DMD: variants seen among roughly 807,000 people sequenced by gnomAD.
The protein encoded by DMD is mutant dystrophin.
A neutral mutation model predicts 330.1 loss-of-function variants in DMD; 63 were observed. The ratio of observed to expected loss-of-function variants is 0.19; its 90% CI spans 0.16 to 0.24. DMD has a LOEUF of 0.24. DMD is among the 10% of genes least tolerant of loss of function. The pLI is 1.00. For synonymous variants in DMD, 1,223 were observed against 959.8 expected (o/e 1.27, Z -5.07); for missense variants, 3,344 against 2,684.1 (o/e 1.25, Z -5.43).
At chrX:32,953,503 A>C (rs1044950299) in intron 2 of DMD, among the ~76,000 whole-genome samples, 1 of 112,104 alleles carries the variant, frequency 8.9e-6, no homozygotes, top group Non-Finnish European at 1.9e-5. Flanking sequence ...GGTGTATATA[A>C]CCAGAATTTA....
At chrX:33,074,073 G>T (rs1405752315) in intron 1 of DMD, among the ~76,000 whole-genome samples, 1 of 111,091 alleles carries the variant, frequency 9.0e-6, no homozygotes, top group Non-Finnish European at 1.9e-5. Flanking sequence ...AGGTAGACAA[G>T]ATTGAAAAAC....
intron 16 of DMD, among the ~76,000 whole-genome samples, chrX:32,563,192 T>G (rs1019157529): frequency 9.3e-6 from 1 of 107,772 alleles, no homozygotes; most frequent in African/African-American, 3.4e-5. Flanking sequence ...TACAAAAAAT[T>G]AGTGGGGTGT....
At chrX:32,138,888 T>C (rs1294205177) in intron 44 of DMD, among the ~76,000 whole-genome samples, 2 of 112,168 alleles carry the variant, frequency 1.8e-5, no homozygotes, top group Non-Finnish European at 3.8e-5. Context: ...ATTGTCTATA[T>C]CCTATTTGCT....
intron 1 of DMD, among the ~76,000 whole-genome samples, chrX:33,184,286 T>C (rs754338007): frequency 8.9e-6 from 1 of 112,358 alleles, no homozygotes; most frequent in African/African-American, 3.2e-5. Flanking sequence ...ATGCACACAT[T>C]TACGGTATCC....
At chrX:32,370,086 C>T (rs761145037) in intron 34 of DMD, among the ~76,000 whole-genome samples, 6 of 111,003 alleles carry the variant, frequency 5.4e-5, no homozygotes, top group Admixed American at 1.9e-4. Flanking sequence ...CTTTTAGCTA[C>T]GTAACATATT....
chrX:31,814,901 C>T (rs2092579688), intron 50 of DMD, among the ~76,000 whole-genome samples: 1 of 112,132 alleles, frequency 8.9e-6, no homozygotes. Context: ...AGGGCAAATA[C>T]TGCCTGGTTT....
chrX:31,181,186 ATTCT>A (rs2041122595), intron 68 of DMD, among the ~76,000 whole-genome samples: 1 of 111,855 alleles, frequency 8.9e-6, no homozygotes, highest in Non-Finnish European at 1.9e-5. Context: ...AGAATGCGAT[ATTCT>A]TTGTTTCATA....
chrX:32,864,434 A>G (rs2082323225), intron 2 of DMD, among the ~76,000 whole-genome samples: 1 of 112,253 alleles, frequency 8.9e-6, no homozygotes, highest in African/African-American at 3.2e-5. Flanking sequence ...GGTGAGTTTT[A>G]CTTGAGCCTT....
intron 1 of DMD, among the ~76,000 whole-genome samples, chrX:33,027,856 A>T (rs1166341308): frequency 8.9e-6 from 1 of 112,010 alleles, no homozygotes; most frequent in East Asian, 2.8e-4. Flanking sequence ...CCAGAAAATC[A>T]AAAGAGCAGG....
At chrX:32,636,944 G>T (rs763379092) in intron 11 of DMD, among the ~76,000 whole-genome samples, 1 of 109,852 alleles carries the variant, frequency 9.1e-6, no homozygotes, top group Admixed American at 9.7e-5. Flanking sequence ...CTTGCAGTGA[G>T]CCGAGATAGC....
At chrX:33,008,937 C>CATATGTGTATAT (rs2093475793) in intron 2 of DMD, among the ~76,000 whole-genome samples, 1 of 90,980 alleles carries the variant, frequency 1.1e-5, no homozygotes, top group East Asian at 3.8e-4. Flanking sequence ...TGTATATATA[C>CATATGTGTATAT]ACACGTATAT....
rs73453036 is a variant in DMD at position 32,661,656 on chromosome X, G to A, written c.961-16504C>T. On this transcript the variant is annotated intron_variant, in intron 9 of 78. Coordinates refer to ENST00000357033, the MANE Select transcript of DMD (RefSeq NM_004006.3). ...AAGTCTCTCATACACTCACAGAATTGTGGATAGATTTCTTTGATTCATCCA... is the reference window on the plus strand; with the variant it reads ...AAGTCTCTCATACACTCACAGAATTATGGATAGATTTCTTTGATTCATCCA... Among the ~76,000 whole-genome samples the A allele has an allele frequency of 4.9e-3, 548 of 111,467 alleles. 5 individuals carry two copies. The highest frequency in any genetic ancestry group is 0.017 in the African/African-American group (515 of 30,842).
intron 2 of DMD, among the ~76,000 whole-genome samples, chrX:32,969,035 A>C (rs1444292524): frequency 6.5e-4 from 56 of 86,582 alleles, no homozygotes; most frequent in African/African-American, 2.4e-3. Flanking sequence ...CTCAAAAAAA[A>C]AAAAAAAAAA....
chrX:32,366,986 G>T (rs2097856869), intron 34 of DMD, among the ~76,000 whole-genome samples: 1 of 111,995 alleles, frequency 8.9e-6, no homozygotes, highest in South Asian at 3.7e-4. Context: ...GGTGAGCTTA[G>T]CAATTCATAA....
intron 57 of DMD, among the ~76,000 whole-genome samples, chrX:31,489,730 A>C (rs1322763691): frequency 1.8e-5 from 2 of 112,032 alleles, no homozygotes; most frequent in Non-Finnish European, 3.8e-5. Flanking sequence ...TTCCTAAAAT[A>C]ATGTTTTTGG....
chrX:32,833,801 A>C (rs2079366092), intron 4 of DMD, among the ~76,000 whole-genome samples: 1 of 109,620 alleles, frequency 9.1e-6, no homozygotes, highest in African/African-American at 3.3e-5. Flanking sequence ...TATAATTATT[A>C]TCCCAGCAGA....
intron 1 of DMD, among the ~76,000 whole-genome samples, chrX:33,068,211 T>C (rs2148134857): frequency 8.9e-6 from 1 of 112,333 alleles, no homozygotes; most frequent in South Asian, 3.7e-4. Context: ...CTTTAGAATC[T>C]GCATTTTTAA....
intron 44 of DMD, among the ~76,000 whole-genome samples, chrX:31,990,315 G>C (rs1182240277): frequency 9.0e-6 from 1 of 111,192 alleles, no homozygotes; most frequent in Admixed American, 9.6e-5. Context: ...CCTTTTCCTG[G>C]AGTAACCTTT....
chrX:32,123,201 G>GTATATATATATA (rs2096644759), intron 44 of DMD, among the ~76,000 whole-genome samples: 4 of 19,399 alleles, frequency 2.1e-4, no homozygotes, highest in Non-Finnish European at 2.4e-4. Flanking sequence ...TTGTGAGCAT[G>GTATATATATATA]CATATATATA....
Sources: gnomAD v4.1 joint callset for allele counts (sites outside exome capture counted in the v4.1 genomes callset) on GRCh38, gnomAD v4.1.1 for gene constraint, MANE v1.5 for transcripts, NCBI Gene and HGNC (gene_info 2026-07-23, HGNC 2026-07-21) for gene names.